The following TRIM43 variants were observed in gnomAD, a reference collection of about 807,000 sequenced individuals.
TRIM43 encodes tripartite motif containing 43.
TRIM43 carries 12 observed loss-of-function variants against 27.7 expected under a neutral mutation model. The ratio of observed to expected loss-of-function variants is 0.43; its 90% CI spans 0.28 to 0.70. The LOEUF is 0.70. Among genes scored for constraint, TRIM43 ranks in the 30% least tolerant of loss-of-function variants. TRIM43 has a pLI of 0.17. For missense variants in TRIM43, 186 were observed against 356.5 expected, an observed-to-expected ratio of 0.52 and a Z score of 3.85; for synonymous variants, 64 against 121.9, an observed-to-expected ratio of 0.52 and a Z score of 3.13.
In TRIM43 at chr2:95,596,218, G is replaced by A. The variant is rs759560742; in HGVS notation, c.524G>A (p.Arg175Gln). Residue 175 changes from arginine to glutamine, a missense_variant, in exon 4 of 7, where the codon CGG (arginine) becomes CAG (glutamine). Coordinates refer to ENST00000272395, the MANE Select transcript of TRIM43 (RefSeq NM_138800.3). ...TCCCTACAGGGCAATGTGGTTTTAC[G>A]GGCACAGATGATCAGGAATGAGTAT... ...AFLWRGNVVL[R>Q]AQMIRNEYRK... is the part of the protein sequence containing the mutation. 14 of 1,610,160 alleles carry A rather than the reference G, an allele frequency of 8.7e-6. No individual in the cohort carries two copies. The highest frequency in any genetic ancestry group is 8.1e-5 in the African/African-American group (6 of 74,350).
chr2:95,594,510 ATGGTGATTAC>A (rs1356255494), intron 2 of TRIM43, 76 bp downstream of exon 2: 1 of 1,568,084 alleles, frequency 6.4e-7, no homozygotes, highest in Non-Finnish European at 8.6e-7. Context: ...GATGAGAATC[ATGGTGATTAC>A]TCCATTCTTT....
At chr2:95,594,946 T>A in intron 2 of TRIM43, 104 bp from the exon 3 acceptor site, 4 of 1,239,132 alleles carry the variant, frequency 3.2e-6, no homozygotes, top group Non-Finnish European at 4.4e-6. Context: ...TTTTCTCCTC[T>A]CACTAATGTA....
rs2104459020 is a variant in TRIM43, at chr2:95,596,207, T to C, written c.513T>C (p.Asn171=). 2 of 1,610,264 alleles carry C rather than the reference T, an allele frequency of 1.2e-6. No homozygotes were observed. Among genetic ancestry groups the C allele is most frequent in the East Asian group, 4.5e-5 (2 of 44,798 alleles). Residue 171 remains asparagine (N), a synonymous_variant, in exon 4 of 7, where the codon AAT becomes AAC. Coordinates refer to ENST00000272395, the MANE Select transcript of TRIM43 (RefSeq NM_138800.3). ...EGRTAFLWRG[N]VVLRAQMIRN... is the part of the protein sequence containing the mutation. The stretch of plus-strand genomic sequence containing the variant: ...CAAAATTCATATCCCTACAGGGCAA[T>C]GTGGTTTTACGGGCACAGATGATCA...
intron 3 of TRIM43, among the ~76,000 whole-genome samples, chr2:95,595,489 G>T (rs1274389617): frequency 6.6e-6 from 1 of 151,374 alleles, no homozygotes; most frequent in Non-Finnish European, 1.5e-5. Context: ...TTGTCCAGGG[G>T]GAAGAAATCG....
intron 1 of TRIM43, among the ~76,000 whole-genome samples, chr2:95,592,667 G>A (rs1199923044): frequency 6.6e-6 from 1 of 151,066 alleles, no homozygotes; most frequent in African/African-American, 2.4e-5. Context: ...CACCGCGCCC[G>A]GCCTTTTTTT....
At chr2:95,595,483 C>T (rs1457060717) in intron 3 of TRIM43, among the ~76,000 whole-genome samples, 1 of 151,066 alleles carries the variant, frequency 6.6e-6, no homozygotes, top group Non-Finnish European at 1.5e-5. Context: ...ATGATATTGT[C>T]CAGGGGGAAG....
chr2:95,595,072 G>A lies in TRIM43; in HGVS notation c.434G>A (p.Arg145Lys), dbSNP rs140148366. Residue 145 changes from arginine to lysine, a missense_variant, in exon 3 of 7, where the codon AGG becomes AAG. This residue lies in a region of TRIM43 where 91 missense variants were observed against 119.3 expected (regional missense o/e 0.76). Transcript: ENST00000272395. ...CAGGAGAAACTCTTAAAGCAAATGA[G>A]GATTTTATGGAAAAAGATTCAAGAA... is the stretch of plus-strand genomic sequence containing the variant. The part of the protein sequence containing the change: ...EHREKLLKQM[R>K]ILWKKIQENQ... 379 of 1,611,010 alleles carry A rather than the reference G, an allele frequency of 2.4e-4. 5 individuals carry two copies. In the African/African-American group the frequency reaches 4.1e-3, roughly 18 times the overall value.
At chr2:95,593,945 A>T in intron 1 of TRIM43, 75 bp from the exon 2 acceptor site, 1 of 1,546,596 alleles carries the variant, frequency 6.5e-7, no homozygotes, top group Non-Finnish European at 8.7e-7. Context: ...TTCGATCACG[A>T]TCTGATTCAA....
chr2:95,596,164 G>A, intron 3 of TRIM43, 38 bp from the exon 4 acceptor site: 1 of 1,602,612 alleles, frequency 6.2e-7, no homozygotes. Context: ...GTGGAAGTAG[G>A]CCTGGGTATA....
intron 2 of TRIM43, 133 bp from the exon 3 acceptor site, chr2:95,594,917 G>A (rs1425204040): frequency 1.4e-6 from 1 of 734,858 alleles, no homozygotes; most frequent in East Asian, 2.8e-5. Context: ...TTAAGGATGA[G>A]CAATGAAAAA....
chr2:95,593,934 A>G, intron 1 of TRIM43, 86 bp from the exon 2 acceptor site: 1 of 1,539,464 alleles, frequency 6.5e-7, no homozygotes, highest in Non-Finnish European at 8.7e-7. Flanking sequence ...AAAGGATATT[A>G]TTCGATCACG....
chr2:95,595,545 G>T (rs1173755717), intron 3 of TRIM43, among the ~76,000 whole-genome samples: 3 of 150,958 alleles, frequency 2.0e-5, no homozygotes, highest in Admixed American at 2.0e-4. Context: ...GGTGAAATCT[G>T]ATAGCAAAGG....
intron 1 of TRIM43, 53 bp from the exon 2 acceptor site, chr2:95,593,967 A>T: frequency 1.3e-6 from 2 of 1,548,108 alleles, no homozygotes; most frequent in Non-Finnish European, 1.7e-6. Flanking sequence ...CTTTGCTTGG[A>T]TCTTTGTCTC....
At chr2:95,593,732 A>C (rs563936985) in intron 1 of TRIM43, among the ~76,000 whole-genome samples, 16 of 151,948 alleles carry the variant, frequency 1.1e-4, no homozygotes, top group South Asian at 4.2e-4. Flanking sequence ...TTGAAGCCCA[A>C]GCAATTTGGT....
intron 1 of TRIM43, among the ~76,000 whole-genome samples, chr2:95,592,714 T>G (rs1369390249): frequency 1.3e-5 from 2 of 151,142 alleles, no homozygotes; most frequent in Non-Finnish European, 3.0e-5. Flanking sequence ...GACAGGATGA[T>G]CTAGACACTT....
At chr2:95,593,084 A>G (rs2104456924) in intron 1 of TRIM43, among the ~76,000 whole-genome samples, 1 of 151,462 alleles carries the variant, frequency 6.6e-6, no homozygotes, top group East Asian at 2.0e-4. Context: ...TTTTTAGTAG[A>G]GTTAGGGATT....
At position 95,594,413 on chromosome 2, in the gene TRIM43, A is replaced by C; in HGVS notation, c.390A>C (p.Glu130Asp). The change falls in exon 2 of 7, where the codon GAA becomes GAC. Residue 130 changes from glutamate to aspartate, a missense_variant. Physicochemically the swap from Glu to Asp is conservative, Grantham distance 45 (BLOSUM62 2). This residue lies in a region of TRIM43 where 91 missense variants were observed against 119.3 expected (regional missense o/e 0.76). Transcript: ENST00000272395. Reference protein sequence around the residue: ...EHGAHKHHPIEEAAEEHREKL... With the variant: ...EHGAHKHHPIDEAAEEHREKL... ...GGGCTCACAAACACCATCCCATCGA[A>C]GAGGCAGCTGAGGAACACCGGGTAA... 21 of 1,611,038 alleles carry C rather than the reference A, an allele frequency of 1.3e-5. No individual in the cohort carries two copies. The highest frequency in any genetic ancestry group is 2.7e-5 in the African/African-American group (2 of 74,704).
intron 1 of TRIM43, among the ~76,000 whole-genome samples, chr2:95,592,428 C>A (rs922504133): frequency 1.3e-5 from 2 of 151,608 alleles, no homozygotes; most frequent in Non-Finnish European, 2.9e-5. Context: ...TGGAGTGCAG[C>A]GGCGCTCTTG....
In TRIM43 at chr2:95,594,070, T is replaced by A. The variant is rs542463428; in HGVS notation, c.47T>A (p.Val16Asp). The A allele has an allele frequency of 9.3e-6, 15 of 1,613,008 alleles. 1 individual carries two copies. Among genetic ancestry groups the A allele is most frequent in the Non-Finnish European group, 1.3e-5 (15 of 1,179,674 alleles). ...GCCTTCCAGAAGGAACTCACCTGCG[T>A]CATCTGTTTGAACTACCTGGTAGAC... ...SHAFQKELTC[V>D]ICLNYLVDPV... The change falls in exon 2 of 7, where the codon GTC (valine) becomes GAC (aspartate). Residue 16 changes from valine to aspartate, a missense_variant. Val to Asp is a radical substitution (Grantham distance 152). Transcript: ENST00000272395.
Sources: allele counts gnomAD v4.1 joint callset (sites outside exome capture counted in the v4.1 genomes callset), GRCh38; gene constraint gnomAD v4.1.1; regional missense constraint gnomAD v4.1.1; transcripts MANE v1.5; gene names NCBI Gene and HGNC (gene_info 2026-07-23, HGNC 2026-07-21).